MYRIP: variants seen among roughly 807,000 people sequenced by gnomAD.
MYRIP encodes the protein rab effector MyRIP.
Under a neutral mutation model 98.0 loss-of-function variants are expected in MYRIP, and 49 were observed. That is an observed-to-expected ratio of 0.50 (90% CI 0.40 to 0.63). The LOEUF (loss-of-function observed/expected upper bound fraction) is 0.63. Ranked by LOEUF, MYRIP falls within the 30% of genes least tolerant of loss-of-function variation. The probability of loss-of-function intolerance (pLI) is 0.00; values close to 1 mark genes in which losing one functional copy is unlikely to be tolerated. For synonymous variants in MYRIP, 404 were observed against 409.5 expected, an observed-to-expected ratio of 0.99 and a Z score of 0.16; for missense variants, 1,004 against 1,058.2, an observed-to-expected ratio of 0.95 and a Z score of 0.71.
In MYRIP at chr3:40,190,031, T is replaced by C. The variant is rs774789552; in HGVS notation, c.1233T>C (p.Cys411=). The stretch of plus-strand genomic sequence containing the variant: ...GGAGTGAGGCCTTGAGCAAGCTGTG[T>C]CCCAGGTCCCGGGCCCTGCCCAGGA... ...FDWSEALSKL[C]PRSRALPRNP... The change falls in exon 10 of 17, where the codon TGT becomes TGC. Residue 411 remains cysteine, a synonymous_variant. Transcript: ENST00000302541. The C allele has an allele frequency of 1.9e-6, 3 of 1,613,892 alleles. No homozygotes were observed. The highest frequency in any genetic ancestry group is 2.7e-5 in the African/African-American group (2 of 74,890).
At chr3:40,073,864 G>C (rs1948283178) in intron 3 of MYRIP, among the ~76,000 whole-genome samples, 1 of 152,192 alleles carries the variant, frequency 6.6e-6, no homozygotes, top group Non-Finnish European at 1.5e-5. Flanking sequence ...CTTATGTCTA[G>C]CTATCTGCCT....
At chr3:40,177,126 C>T (rs1371224207) in intron 8 of MYRIP, among the ~76,000 whole-genome samples, 1 of 151,692 alleles carries the variant, frequency 6.6e-6, no homozygotes, top group South Asian at 2.1e-4. Context: ...AGAACCTGGA[C>T]ACGAACCAAT....
chr3:39,908,111 A>G (rs1268700366), intron 2 of MYRIP, among the ~76,000 whole-genome samples: 1 of 152,136 alleles, frequency 6.6e-6, no homozygotes, highest in Non-Finnish European at 1.5e-5. Context: ...CTGGTGCTCT[A>G]ATGGACTTGG....
At chr3:40,120,403 G>C (rs4676572) in intron 3 of MYRIP, among the ~76,000 whole-genome samples, 79,612 of 151,898 alleles carry the variant, frequency 0.52, 21,136 homozygotes, top group Admixed American at 0.61. Context: ...TAAACAAAAA[G>C]GAAATTGTAC....
chr3:40,125,271 A>C (rs1949502159), intron 3 of MYRIP, among the ~76,000 whole-genome samples: 1 of 152,346 alleles, frequency 6.6e-6, no homozygotes, highest in Admixed American at 6.5e-5. Context: ...ACATGATCAC[A>C]AGGTCCCACA....
intron 1 of MYRIP, among the ~76,000 whole-genome samples, chr3:39,838,273 C>T (rs1167164029): frequency 6.6e-6 from 1 of 152,180 alleles, no homozygotes; most frequent in South Asian, 2.1e-4. Context: ...GAGAGGGCAT[C>T]CTTGTCTTGT....
rs28537435 is a variant in MYRIP at position 40,113,102 on chromosome 3, G to A, written c.333-37946G>A. On this transcript the variant is annotated intron_variant, in intron 3 of 16. Coordinates refer to ENST00000302541, the MANE Select transcript of MYRIP (RefSeq NM_015460.4). ...AGCGTCATTAAAACAGTTTGGTTCT[G>A]ATACAGGAATGGGCCTTCAGAACAA... Among the ~76,000 whole-genome samples, 1,106 of 152,288 alleles carry A rather than the reference G, an allele frequency of 7.3e-3. 18 individuals are homozygous for A. Among genetic ancestry groups the A allele is most frequent in the African/African-American group, 0.025 (1,045 of 41,548 alleles).
intron 1 of MYRIP, among the ~76,000 whole-genome samples, chr3:39,850,921 G>A (rs2125605741): frequency 6.6e-6 from 1 of 152,230 alleles, no homozygotes; most frequent in South Asian, 2.1e-4. Context: ...TTCATTAGTG[G>A]TCTGTGCAGG....
chr3:40,250,632 G>A, intron 15 of MYRIP, 133 bp downstream of exon 15: 1 of 1,077,832 alleles, frequency 9.3e-7, no homozygotes. Context: ...TGTCTATCTT[G>A]ATTTGGGTCC....
chr3:39,820,898 A>C (rs1335297677), intron 1 of MYRIP, among the ~76,000 whole-genome samples: 2 of 151,960 alleles, frequency 1.3e-5, no homozygotes, highest in East Asian at 3.9e-4. Context: ...GGTTCCAAGT[A>C]CCTGATGCAT....
chr3:39,978,104 G>A (rs552803740), intron 2 of MYRIP, among the ~76,000 whole-genome samples: 2 of 152,270 alleles, frequency 1.3e-5, no homozygotes, highest in South Asian at 4.1e-4. Context: ...CCCTTCTAAT[G>A]TGGTTCTAGA....
At chr3:40,045,089 G>A (rs1312171538) in intron 3 of MYRIP, among the ~76,000 whole-genome samples, 4 of 152,114 alleles carry the variant, frequency 2.6e-5, no homozygotes, top group African/African-American at 4.8e-5. Flanking sequence ...GCAGAGATGA[G>A]CAGGTCCTGG....
At chr3:39,979,381 G>A (rs1420965724) in intron 2 of MYRIP, among the ~76,000 whole-genome samples, 1 of 152,132 alleles carries the variant, frequency 6.6e-6, no homozygotes, top group Non-Finnish European at 1.5e-5. Flanking sequence ...GCTCATGCCT[G>A]TAATCCCAGC....
rs374633214 is a variant in MYRIP at position 40,234,061 on chromosome 3, G to T, written c.2100+8G>T. On this transcript the variant is annotated splice_region_variant and intron_variant, in intron 12 of 16. Coordinates refer to ENST00000302541, the MANE Select transcript of MYRIP (RefSeq NM_015460.4). ...ACTTCCCTGGAAGAAAATGTAAGAG[G>T]GTATGGAGGTGCCCTGTCTAGGGTG... 1.1e-5 allele frequency: 18 copies of T among 1,592,936 alleles called. No homozygotes were observed. The highest frequency in any genetic ancestry group is 1.9e-4 in the Middle Eastern group (1 of 5,220).
intron 3 of MYRIP, among the ~76,000 whole-genome samples, chr3:40,131,011 A>G (rs900250204): frequency 2.6e-5 from 4 of 152,106 alleles, no homozygotes; most frequent in Non-Finnish European, 5.9e-5. Flanking sequence ...GGCACTGCAA[A>G]ATGCTGAAAA....
At chr3:40,126,200 G>A (rs998972524) in intron 3 of MYRIP, among the ~76,000 whole-genome samples, 1 of 152,174 alleles carries the variant, frequency 6.6e-6, no homozygotes, top group Non-Finnish European at 1.5e-5. Flanking sequence ...CACCTGAGAA[G>A]TTATCTGAAA....
chr3:40,182,455 T>G, intron 9 of MYRIP, 82 bp downstream of exon 9: 2 of 1,449,160 alleles, frequency 1.4e-6, no homozygotes, highest in Non-Finnish European at 1.9e-6. Context: ...GCATGGCCAC[T>G]CTGCTCTTCT....
chr3:40,170,951 T>C (rs1950599468), intron 8 of MYRIP, among the ~76,000 whole-genome samples: 1 of 152,172 alleles, frequency 6.6e-6, no homozygotes. Context: ...ATGGTCGACT[T>C]GCAGTCCACA....
At chr3:39,918,820 A>G (rs756022015) in intron 2 of MYRIP, among the ~76,000 whole-genome samples, 3 of 152,128 alleles carry the variant, frequency 2.0e-5, no homozygotes, top group Non-Finnish European at 4.4e-5. Flanking sequence ...GAGGGAGAGA[A>G]GAGGAGGGTG....
Sources: allele counts gnomAD v4.1 joint callset (sites outside exome capture counted in the v4.1 genomes callset), GRCh38; gene constraint gnomAD v4.1.1; transcripts MANE v1.5; gene names NCBI Gene and HGNC (gene_info 2026-07-23, HGNC 2026-07-21).